Variants in ASCC3 observed in about 807,000 individuals in gnomAD.
ASCC3 encodes the protein ASC-1 complex subunit P200.
Under a neutral mutation model 256.3 loss-of-function variants are expected in ASCC3, and 158 were observed. The observed-to-expected ratio is 0.62, with a 90% CI of 0.54 to 0.70. ASCC3 has a LOEUF of 0.70. ASCC3 is among the 30% of genes least tolerant of loss of function. ASCC3 has a pLI of 0.00. For missense variants in ASCC3, 2,259 were observed against 2,626.0 expected (o/e 0.86, Z 3.05); for synonymous variants, 948 against 883.4 (o/e 1.07, Z -1.30).
chr6:100,608,216 ATATATACTT>A (rs1453385477), intron 30 of ASCC3, among the ~76,000 whole-genome samples: 1,898 of 29,370 alleles, frequency 0.065, 90 homozygotes, highest in Middle Eastern at 0.17. Flanking sequence ...TATACTTTAT[ATATATACTT>A]TATATACTTT....
chr6:100,793,888 A>C (rs1034441077), intron 8 of ASCC3, among the ~76,000 whole-genome samples: 1 of 151,956 alleles, frequency 6.6e-6, no homozygotes, highest in African/African-American at 2.4e-5. Context: ...AACATGCACA[A>C]AAGTTTTTCC....
intron 10 of ASCC3, among the ~76,000 whole-genome samples, chr6:100,751,474 T>C (rs1308957472): frequency 6.6e-6 from 1 of 151,928 alleles, no homozygotes; most frequent in Non-Finnish European, 1.5e-5. Flanking sequence ...CCAGAGGCAG[T>C]GCTATGCTTC....
At position 100,866,128 on chromosome 6, in the gene ASCC3, C is replaced by A. The variant is rs535387872; in HGVS notation, c.90+1780G>T. 3.9e-4 allele frequency among the ~76,000 whole-genome samples: 60 copies of A among 152,124 alleles called. No individual in the cohort carries two copies. The East Asian group carries it at 0.011, about 28-fold the overall frequency. On this transcript the variant is annotated intron_variant, in intron 2 of 41. Coordinates refer to ENST00000369162, the MANE Select transcript of ASCC3 (RefSeq NM_006828.4). ...GGGATTACAGGCGCCCACCACCATG[C>A]GTGGCTGATTTTTGTACTTTTAGTA...
rs1562161648 is a variant in ASCC3 at position 100,608,210 on chromosome 6, C to CGTG, written c.4786-1123_4786-1122insCAC. ...TGTATATATATACTTTATATATATA[C>CGTG]TTTATATATATACTTTATATACTTT... On this transcript the variant is annotated intron_variant, in intron 30 of 41. Coordinates refer to ENST00000369162, the MANE Select transcript of ASCC3 (RefSeq NM_006828.4). Among the ~76,000 whole-genome samples, 15 of 49,436 alleles carry CGTG rather than the reference C, an allele frequency of 3.0e-4. 2 individuals carry two copies. Among genetic ancestry groups the CGTG allele is most frequent in the African/African-American group, 1.1e-3 (12 of 10,460 alleles). 32.4% of individuals were successfully genotyped at this position (49,436 alleles called of 152,430 possible).
intron 14 of ASCC3, among the ~76,000 whole-genome samples, chr6:100,673,031 G>C (rs541313178): frequency 1.3e-5 from 2 of 152,008 alleles, no homozygotes; most frequent in Non-Finnish European, 2.9e-5. Flanking sequence ...ATTTCCATAT[G>C]TTATTCTGAT....
rs543453199 is a variant in ASCC3 at position 100,872,350 on chromosome 6, C to T, written c.-41-4312G>A. On this transcript the variant is annotated intron_variant, in intron 1 of 41. Coordinates refer to ENST00000369162, the MANE Select transcript of ASCC3 (RefSeq NM_006828.4). ...CCTAGCAAATCCTAACAAGATAATA[C>T]ACTCAACCTCTAAGAAGAGATCTAA... is the stretch of plus-strand genomic sequence containing the variant. 2.6e-5 allele frequency among the ~76,000 whole-genome samples: 4 copies of T among 152,024 alleles called. No individual in the cohort carries two copies. In the East Asian group the frequency reaches 5.8e-4, roughly 22 times the overall value.
chr6:100,565,700 G>C (rs1401128630), intron 36 of ASCC3, among the ~76,000 whole-genome samples: 1 of 152,150 alleles, frequency 6.6e-6, no homozygotes, highest in Non-Finnish European at 1.5e-5. Context: ...GAACAAGGGA[G>C]TAGGGCAGAG....
intron 36 of ASCC3, among the ~76,000 whole-genome samples, chr6:100,586,472 C>T (rs1771690767): frequency 6.6e-6 from 1 of 152,152 alleles, no homozygotes; most frequent in Non-Finnish European, 1.5e-5. Flanking sequence ...CCCGATTTTC[C>T]AGGTGCCGTC....
chr6:100,864,496 G>C (rs573707143), intron 2 of ASCC3, among the ~76,000 whole-genome samples: 4 of 152,270 alleles, frequency 2.6e-5, no homozygotes, highest in African/African-American at 9.6e-5. Context: ...AAAGTAAAAA[G>C]TTCAACATCC....
chr6:100,798,581 T>C (rs1452251978), intron 8 of ASCC3, 132 bp downstream of exon 8: 2 of 1,351,780 alleles, frequency 1.5e-6, no homozygotes, highest in Admixed American at 1.9e-5. Context: ...TGTAATTCTC[T>C]AGTAACCAAC....
chr6:100,585,540 T>C (rs568148477), intron 36 of ASCC3, among the ~76,000 whole-genome samples: 1 of 152,344 alleles, frequency 6.6e-6, no homozygotes, highest in South Asian at 2.1e-4. Context: ...CTCCTGTAGC[T>C]CAGAATAGTT....
In ASCC3 at chr6:100,634,407, C is replaced by T. The variant is rs1412673539; in HGVS notation, c.4123-3194G>A. The stretch of plus-strand genomic sequence containing the variant: ...ATCCTCTCCTTATCTCTCCCTTCCC[C>T]CTACCCAAATGGGTTCAGTACCATC... On this transcript the variant is annotated intron_variant, in intron 25 of 41. Transcript: ENST00000369162. Among the ~76,000 whole-genome samples, 10 of 152,286 alleles carry T rather than the reference C, an allele frequency of 6.6e-5. No individual in the cohort carries two copies. The Middle Eastern group carries it at 0.017, about 259-fold the overall frequency.
intron 13 of ASCC3, among the ~76,000 whole-genome samples, chr6:100,709,322 C>T (rs1778760694): frequency 2.0e-5 from 3 of 152,122 alleles, no homozygotes; most frequent in Admixed American, 1.3e-4. Flanking sequence ...AAACATTTAA[C>T]GTACTTAATA....
At chr6:100,608,413 C>T (rs867699843) in intron 30 of ASCC3, among the ~76,000 whole-genome samples, 491 of 48,928 alleles carry the variant, frequency 0.01, 58 homozygotes, top group Non-Finnish European at 0.014. Flanking sequence ...ATATATATAC[C>T]TTATATATAT....
At chr6:100,790,156 G>A (rs561796921) in intron 8 of ASCC3, among the ~76,000 whole-genome samples, 2 of 151,912 alleles carry the variant, frequency 1.3e-5, no homozygotes, top group African/African-American at 2.4e-5. Flanking sequence ...AGAATTTACC[G>A]ATTACCTAAA....
intron 10 of ASCC3, among the ~76,000 whole-genome samples, chr6:100,740,678 C>CT (rs1450190753): frequency 6.6e-6 from 1 of 151,986 alleles, no homozygotes; most frequent in Non-Finnish European, 1.5e-5. Flanking sequence ...CCTTCCTTGT[C>CT]TTTTTTTATC....
At chr6:100,609,603 T>C (rs1773288280) in intron 30 of ASCC3, among the ~76,000 whole-genome samples, 1 of 152,126 alleles carries the variant, frequency 6.6e-6, no homozygotes, top group Non-Finnish European at 1.5e-5. Context: ...AAATTTGTTG[T>C]AAAGAACTAA....
intron 34 of ASCC3, among the ~76,000 whole-genome samples, chr6:100,596,311 A>C (rs1048591047): frequency 9.2e-5 from 14 of 152,326 alleles, no homozygotes; most frequent in Admixed American, 5.9e-4. Flanking sequence ...TGTTAGGGAC[A>C]TATGTACAAA....
At chr6:100,574,177 G>A (rs1225745844) in intron 36 of ASCC3, among the ~76,000 whole-genome samples, 1 of 152,020 alleles carries the variant, frequency 6.6e-6, no homozygotes, top group East Asian at 1.9e-4. Flanking sequence ...TATTCCCCAC[G>A]TGCACTGACT....
Sources: gnomAD v4.1 joint callset for allele counts (sites outside exome capture counted in the v4.1 genomes callset) on GRCh38, gnomAD v4.1.1 for gene constraint, MANE v1.5 for transcripts, NCBI Gene and HGNC (gene_info 2026-07-23, HGNC 2026-07-21) for gene names.